The following RGS6 variants were observed in gnomAD, a reference collection of about 807,000 sequenced individuals.
The protein encoded by RGS6 is regulator of G protein signaling 6.
RGS6 carries 30 observed loss-of-function variants against 78.5 expected under a neutral mutation model. The ratio of observed to expected loss-of-function variants is 0.38; its 90% confidence interval spans 0.29 to 0.52. The LOEUF (loss-of-function observed/expected upper bound fraction) is 0.52, where lower values mean the gene tolerates loss of function less well. Ranked by LOEUF, RGS6 falls within the 20% of genes least tolerant of loss-of-function variation. The probability of loss-of-function intolerance (pLI) is 0.85; values close to 1 mark genes in which losing one functional copy is unlikely to be tolerated. For synonymous variants in RGS6, 206 were observed against 206.0 expected (o/e 1.00, Z 0.00); for missense variants, 495 against 609.7 (o/e 0.81, Z 1.98).
intron 2 of RGS6, among the ~76,000 whole-genome samples, chr14:72,202,198 T>A (rs1173836218): frequency 6.6e-6 from 1 of 152,238 alleles, no homozygotes. Flanking sequence ...ATACAAATTA[T>A]GTTCATGAAG....
At chr14:72,381,082 CAT>C (rs2085953609) in intron 3 of RGS6, among the ~76,000 whole-genome samples, 1 of 151,984 alleles carries the variant, frequency 6.6e-6, no homozygotes, top group East Asian at 1.9e-4. Context: ...GCAGATACCA[CAT>C]GTTGTCACTC....
At chr14:72,111,920 C>T (rs956508364) in intron 2 of RGS6, among the ~76,000 whole-genome samples, 3 of 152,174 alleles carry the variant, frequency 2.0e-5, no homozygotes, top group African/African-American at 2.4e-5. Context: ...CTTAACTAAA[C>T]ATGTTAAAGG....
chr14:71,902,097 TG>T, the RGS6 span, among the ~76,000 whole-genome samples: 1 of 152,024 alleles, frequency 6.6e-6, no homozygotes, highest in African/African-American at 2.4e-5. Flanking sequence ...AGAAAGAACC[TG>T]GTTTTTGATG....
rs553388364 is a variant in RGS6, at chr14:72,526,942, G to A, written c.1278+8405G>A. On this transcript the variant is annotated intron_variant, in intron 15 of 17. Coordinates refer to ENST00000553525, the MANE Select transcript of RGS6 (RefSeq NM_001204424.2). ...CTTCAGCTAACCATGCCTAAGGTCT[G>A]AGGACCTTTGGTCAAACATATTCAA... Among the ~76,000 whole-genome samples, 9 of 152,314 alleles carry A rather than the reference G, an allele frequency of 5.9e-5. No individual in the cohort carries two copies. In the East Asian group the frequency reaches 1.5e-3, roughly 26 times the overall value.
chr14:72,165,349 C>T (rs2096910319), intron 2 of RGS6, among the ~76,000 whole-genome samples: 1 of 152,210 alleles, frequency 6.6e-6, no homozygotes, highest in Admixed American at 6.5e-5. Flanking sequence ...AGAAACAAAG[C>T]AGTGCAGTAG....
rs562700896 is a variant in RGS6 at position 72,188,903 on chromosome 14, G to C, written c.85-163192G>C. On this transcript the variant is annotated intron_variant, in intron 2 of 17. Transcript: ENST00000553525. ...CTCACAGAGCAGAGAAATTTATTAT[G>C]TGATCTTCTTCTCTCCAGAGGAAAA... 2.0e-3 allele frequency among the ~76,000 whole-genome samples: 306 copies of C among 152,294 alleles called. 1 individual carries two copies. The highest frequency in any genetic ancestry group is 6.9e-3 in the African/African-American group (285 of 41,564).
chr14:72,367,400 G>A (rs2082648737), intron 3 of RGS6, among the ~76,000 whole-genome samples: 1 of 152,124 alleles, frequency 6.6e-6, no homozygotes, highest in Admixed American at 6.5e-5. Flanking sequence ...CTGCAATGAT[G>A]GATGTCATCT....
intron 2 of RGS6, among the ~76,000 whole-genome samples, chr14:71,972,012 T>C (rs2093842579): frequency 6.6e-6 from 1 of 151,998 alleles, no homozygotes; most frequent in African/African-American, 2.4e-5. Flanking sequence ...TGGACATTTT[T>C]TTCTTTATTA....
intron 2 of RGS6, among the ~76,000 whole-genome samples, chr14:72,285,549 T>C (rs1201554039): frequency 6.6e-6 from 1 of 152,228 alleles, no homozygotes; most frequent in Non-Finnish European, 1.5e-5. Context: ...GTCTTGTGTA[T>C]GTCTTTATCA....
the RGS6 span, among the ~76,000 whole-genome samples, chr14:72,591,020 A>G: frequency 2.6e-5 from 4 of 152,262 alleles, no homozygotes; most frequent in African/African-American, 9.6e-5. Context: ...ACAGCTGTGC[A>G]TGGTGTATGG....
chr14:71,999,840 C>T (rs1401972775), intron 2 of RGS6, among the ~76,000 whole-genome samples: 1 of 129,130 alleles, frequency 7.7e-6, no homozygotes, highest in African/African-American at 2.7e-5. Context: ...CCTGTACAGC[C>T]TGCAGTGCAT....
At chr14:72,595,255 A>C in the RGS6 span, 5 of 152,138 alleles carry the variant, frequency 3.3e-5, no homozygotes, top group East Asian at 9.6e-4. Context: ...TGTCATATGC[A>C]TCCTCAGGTC....
intron 1 of RGS6, among the ~76,000 whole-genome samples, chr14:71,951,320 A>C (rs1156386023): frequency 6.6e-6 from 1 of 152,028 alleles, no homozygotes; most frequent in Non-Finnish European, 1.5e-5. Flanking sequence ...AAAACCAAAC[A>C]CTGCATGTTC....
intron 2 of RGS6, among the ~76,000 whole-genome samples, chr14:72,250,170 G>A (rs1358137873): frequency 6.6e-6 from 1 of 151,510 alleles, no homozygotes; most frequent in Non-Finnish European, 1.5e-5. Flanking sequence ...CAGTGCACCA[G>A]CATGACACAT....
In RGS6 at chr14:72,474,510, C is replaced by T. The variant is rs748613575; in HGVS notation, c.619-115C>T. The T allele has an allele frequency of 1.1e-4, 96 of 914,160 alleles. No homozygotes were observed. The Middle Eastern group carries it at 1.2e-3, about 11-fold the overall frequency. The allele number at this position is 914,160 out of a possible 1,614,324, so 56.6% of individuals were successfully genotyped here. ...ATTATGGCAAAATGGAAAAAAAAAT[C>T]ATGCATTGTCTGTAATGGAAAAAGA... is the stretch of plus-strand genomic sequence containing the variant. On this transcript the variant is annotated intron_variant, in intron 9 of 17. Coordinates refer to ENST00000553525, the MANE Select transcript of RGS6 (RefSeq NM_001204424.2).
chr14:71,895,360 T>A, the RGS6 span, among the ~76,000 whole-genome samples: 1 of 151,816 alleles, frequency 6.6e-6, no homozygotes, highest in Non-Finnish European at 1.5e-5. Context: ...ATTTTTTTTT[T>A]ATTTTTAGTA....
the RGS6 span, among the ~76,000 whole-genome samples, chr14:71,881,185 C>T: frequency 6.6e-6 from 1 of 152,322 alleles, no homozygotes; most frequent in East Asian, 1.9e-4. Flanking sequence ...CCTGTACCCC[C>T]CTTGCATCTA....
chr14:71,984,484 G>GAAAAAAAAAAAAAAAAAAAA (rs370779936), intron 2 of RGS6, among the ~76,000 whole-genome samples: 1 of 117,434 alleles, frequency 8.5e-6, no homozygotes, highest in Non-Finnish European at 1.6e-5. Flanking sequence ...GTCTCAAAAA[G>GAAAAAAAAAAAAAAAAAAAA]AAAAAAAAAA....
intron 15 of RGS6, among the ~76,000 whole-genome samples, chr14:72,531,231 G>C (rs759785236): frequency 6.6e-6 from 1 of 152,008 alleles, no homozygotes; most frequent in Admixed American, 6.6e-5. Context: ...CCAGGAGTTC[G>C]AGACCAGCCT....
Sources: allele counts gnomAD v4.1 joint callset (sites outside exome capture counted in the v4.1 genomes callset), GRCh38; gene constraint gnomAD v4.1.1; transcripts MANE v1.5; gene names NCBI Gene and HGNC (gene_info 2026-07-23, HGNC 2026-07-21).